The following ST6GALNAC3 variants were observed in gnomAD, a reference collection of about 807,000 sequenced individuals.
The protein encoded by ST6GALNAC3 is alpha-N-acetylgalactosaminide alpha-2,6-sialyltransferase 3.
In ST6GALNAC3, 25 loss-of-function variants were observed where a neutral mutation model predicts 32.7. That is an observed-to-expected ratio of 0.76 (90% confidence interval 0.56 to 1.07). The LOEUF (loss-of-function observed/expected upper bound fraction) is 1.07. Ranked by LOEUF, ST6GALNAC3 falls within the 50% of genes least tolerant of loss-of-function variation. ST6GALNAC3 has a pLI of 0.00. For synonymous variants in ST6GALNAC3, 129 were observed against 133.1 expected (o/e 0.97, Z 0.21); for missense variants, 355 against 382.4 (o/e 0.93, Z 0.60).
intron 1 of ST6GALNAC3, among the ~76,000 whole-genome samples, chr1:76,277,607 TATATACAC>T (rs1470846764): frequency 6.9e-5 from 3 of 43,494 alleles, no homozygotes; most frequent in African/African-American, 4.0e-4. Context: ...TATATATATA[TATATACAC>T]ACACACACAC....
chr1:76,430,292 A>T (rs779432663), intron 3 of ST6GALNAC3, among the ~76,000 whole-genome samples: 3 of 151,980 alleles, frequency 2.0e-5, no homozygotes, highest in Non-Finnish European at 4.4e-5. Context: ...TCACTTTTAC[A>T]TTTCATTCAC....
chr1:76,295,358 T>C (rs545849788), intron 1 of ST6GALNAC3, among the ~76,000 whole-genome samples: 3 of 152,234 alleles, frequency 2.0e-5, no homozygotes, highest in Admixed American at 1.3e-4. Flanking sequence ...TTTGGAAATG[T>C]TGGACCTCGG....
chr1:76,574,851 C>G (rs190729090), intron 3 of ST6GALNAC3, among the ~76,000 whole-genome samples: 1 of 152,080 alleles, frequency 6.6e-6, no homozygotes, highest in African/African-American at 2.4e-5. Context: ...ATCTGCCACT[C>G]GCTTGTCAGC....
chr1:76,570,958 A>G (rs570450138), intron 3 of ST6GALNAC3, among the ~76,000 whole-genome samples: 1 of 152,132 alleles, frequency 6.6e-6, no homozygotes, highest in African/African-American at 2.4e-5. Context: ...TCTCTACTTC[A>G]GTACCCTTTT....
intron 1 of ST6GALNAC3, among the ~76,000 whole-genome samples, chr1:76,182,904 A>G (rs1653280532): frequency 6.6e-6 from 1 of 152,088 alleles, no homozygotes; most frequent in South Asian, 2.1e-4. Context: ...AACTTTAGTC[A>G]TTTGAATTTT....
intron 3 of ST6GALNAC3, among the ~76,000 whole-genome samples, chr1:76,529,873 G>A (rs1391594044): frequency 1.3e-5 from 2 of 152,152 alleles, no homozygotes; most frequent in Non-Finnish European, 2.9e-5. Context: ...GTGGATGATA[G>A]TACCTACTTC....
rs559186815 is a variant in ST6GALNAC3, at chr1:76,483,295, G to A, written c.623+70878G>A. Among the ~76,000 whole-genome samples, 181 of 152,216 alleles carry A rather than the reference G, an allele frequency of 1.2e-3. 1 individual carries two copies. The highest frequency in any genetic ancestry group is 4.1e-3 in the African/African-American group (169 of 41,522). ...TCTAGTTCTAGATCCCTGAAGAATCGCCATACTGTCTTCCACAATGGTTGA... is the reference window on the plus strand; with the variant it reads ...TCTAGTTCTAGATCCCTGAAGAATCACCATACTGTCTTCCACAATGGTTGA... On this transcript the variant is annotated intron_variant, in intron 3 of 4. Coordinates refer to ENST00000328299, the MANE Select transcript of ST6GALNAC3 (RefSeq NM_152996.4).
chr1:76,199,974 TGA>T (rs1164469303), intron 1 of ST6GALNAC3, among the ~76,000 whole-genome samples: 1 of 152,204 alleles, frequency 6.6e-6, no homozygotes, highest in Non-Finnish European at 1.5e-5. Flanking sequence ...CTTGATTAAA[TGA>T]GAGCTTGTTT....
intron 1 of ST6GALNAC3, among the ~76,000 whole-genome samples, chr1:76,115,067 C>T (rs1234464463): frequency 6.6e-6 from 1 of 152,092 alleles, no homozygotes; most frequent in African/African-American, 2.4e-5. Flanking sequence ...CTTTGTTTTG[C>T]CTTCACTTAA....
rs753089893 is a variant in ST6GALNAC3, at chr1:76,630,607, T to A, written c.*1801T>A. On this transcript the variant is annotated 3_prime_UTR_variant, in exon 5 of 5. Coordinates refer to ENST00000328299, the MANE Select transcript of ST6GALNAC3 (RefSeq NM_152996.4). ...TGATACATTTCACTTCAGAAGCACT[T>A]GTAGGTCTTTACTAGTGCTAAGTAT... The A allele has an allele frequency of 9.1e-6, 9 of 985,488 alleles. No homozygotes were observed. The highest frequency in any genetic ancestry group is 1.1e-5 in the Non-Finnish European group (9 of 829,826). 61.0% of individuals were successfully genotyped at this position (985,488 alleles called of 1,614,324 possible). A position where few individuals can be genotyped will look rare whatever the true frequency, so the allele number is the denominator to read the frequency against.
intron 2 of ST6GALNAC3, among the ~76,000 whole-genome samples, chr1:76,342,200 T>C (rs1407994514): frequency 6.6e-6 from 1 of 152,218 alleles, no homozygotes; most frequent in East Asian, 1.9e-4. Context: ...AGTAGAATAA[T>C]GTATAATCCT....
In ST6GALNAC3 at chr1:76,630,656, T is replaced by C. The variant is rs557296764; in HGVS notation, c.*1850T>C. On this transcript the variant is annotated 3_prime_UTR_variant, in exon 5 of 5. Transcript: ENST00000328299. ...ATTATGGTGAGCTATCATTAAAGTG[T>C]GCCATCTTGGATAAAGGCCTTTTGC... 2.0e-6 allele frequency: 2 copies of C among 985,708 alleles called. No individual in the cohort carries two copies. The highest frequency in any genetic ancestry group is 4.7e-5 in the South Asian group (1 of 21,292). 61.1% of individuals were successfully genotyped at this position (985,708 alleles called of 1,614,324 possible).
chr1:76,500,461 G>A (rs2101723272), intron 3 of ST6GALNAC3, among the ~76,000 whole-genome samples: 1 of 152,208 alleles, frequency 6.6e-6, no homozygotes, highest in East Asian at 1.9e-4. Flanking sequence ...GCTGTATGTT[G>A]GATCTCACAA....
At chr1:76,291,005 G>A (rs1014965315) in intron 1 of ST6GALNAC3, among the ~76,000 whole-genome samples, 4 of 152,200 alleles carry the variant, frequency 2.6e-5, no homozygotes, top group African/African-American at 9.7e-5. Context: ...GAAATGTCAG[G>A]AGGAAGTAAC....
At chr1:76,360,392 C>T (rs1476307576) in intron 2 of ST6GALNAC3, among the ~76,000 whole-genome samples, 1 of 152,146 alleles carries the variant, frequency 6.6e-6, no homozygotes, top group Non-Finnish European at 1.5e-5. Context: ...TAAGGTTTCT[C>T]ACAGCAAAGA....
chr1:76,246,869 G>C (rs1029706752), intron 1 of ST6GALNAC3, among the ~76,000 whole-genome samples: 1 of 152,158 alleles, frequency 6.6e-6, no homozygotes, highest in Non-Finnish European at 1.5e-5. Context: ...TGAATATTTA[G>C]AGGAGAAGTG....
At chr1:76,153,694 T>C (rs1651201203) in intron 1 of ST6GALNAC3, among the ~76,000 whole-genome samples, 1 of 152,238 alleles carries the variant, frequency 6.6e-6, no homozygotes, top group Admixed American at 6.5e-5. Flanking sequence ...AACATATCTA[T>C]ATTTTGTTTA....
intron 1 of ST6GALNAC3, among the ~76,000 whole-genome samples, chr1:76,127,969 C>G (rs1443860568): frequency 6.6e-6 from 1 of 152,116 alleles, no homozygotes; most frequent in East Asian, 1.9e-4. Context: ...CCTTCCTCTG[C>G]TTGATGTTCC....
intron 2 of ST6GALNAC3, among the ~76,000 whole-genome samples, chr1:76,350,094 C>G (rs1217269904): frequency 6.6e-6 from 1 of 151,890 alleles, no homozygotes; most frequent in African/African-American, 2.4e-5. Flanking sequence ...CACTCAAATG[C>G]ATTATTCATG....
Sources: gnomAD v4.1 joint callset for allele counts (sites outside exome capture counted in the v4.1 genomes callset) on GRCh38, gnomAD v4.1.1 for gene constraint, MANE v1.5 for transcripts, NCBI Gene and HGNC (gene_info 2026-07-23, HGNC 2026-07-21) for gene names.